The following ADCY2 variants were observed in gnomAD, a reference collection of about 807,000 sequenced individuals.
The protein encoded by ADCY2 is adenylate cyclase 2.
A neutral mutation model predicts 125.2 loss-of-function variants in ADCY2; 31 were observed. The observed-to-expected ratio is 0.25, with a 90% CI of 0.19 to 0.33. The LOEUF (loss-of-function observed/expected upper bound fraction) is 0.33, where lower values mean the gene tolerates loss of function less well. ADCY2 is among the 10% of genes least tolerant of loss of function. The probability of loss-of-function intolerance (pLI) is 1.00; values close to 1 mark genes in which losing one functional copy is unlikely to be tolerated. For missense variants in ADCY2, 904 were observed against 1,418.2 expected (o/e 0.64, Z 5.82); for synonymous variants, 512 against 548.4 (o/e 0.93, Z 0.93).
intron 19 of ADCY2, among the ~76,000 whole-genome samples, chr5:7,786,718 A>G (rs1744094742): frequency 6.6e-6 from 1 of 152,194 alleles, no homozygotes; most frequent in Non-Finnish European, 1.5e-5. Flanking sequence ...ACAGCAGCAC[A>G]TTGAGGTGGG....
intron 4 of ADCY2, among the ~76,000 whole-genome samples, chr5:7,659,223 G>A (rs957612512): frequency 6.6e-6 from 1 of 152,176 alleles, no homozygotes; most frequent in African/African-American, 2.4e-5. Flanking sequence ...TCCTTATTCT[G>A]CAGCTGTTCA....
chr5:7,476,726 C>T (rs2126465478), intron 2 of ADCY2, among the ~76,000 whole-genome samples: 1 of 152,298 alleles, frequency 6.6e-6, no homozygotes, highest in Non-Finnish European at 1.5e-5. Context: ...AGATCAACAG[C>T]AAATGGATGA....
At chr5:7,485,584 T>C (rs934142651) in intron 2 of ADCY2, among the ~76,000 whole-genome samples, 5 of 152,214 alleles carry the variant, frequency 3.3e-5, no homozygotes, top group Non-Finnish European at 5.9e-5. Flanking sequence ...GGTGATTTTT[T>C]TTCTTACATC....
At chr5:7,397,102 AC>A (rs2111427478) in intron 1 of ADCY2, among the ~76,000 whole-genome samples, 1 of 152,332 alleles carries the variant, frequency 6.6e-6, no homozygotes, top group East Asian at 1.9e-4. Flanking sequence ...TGTGGTGTTG[AC>A]TTGTGAATCA....
chr5:7,463,213 C>A (rs1342215913), intron 2 of ADCY2, among the ~76,000 whole-genome samples: 1 of 152,034 alleles, frequency 6.6e-6, no homozygotes, highest in Admixed American at 6.5e-5. Context: ...TTGGTTTCCC[C>A]ACATCAAAGG....
chr5:7,710,318 A>G (rs533291853), intron 10 of ADCY2, among the ~76,000 whole-genome samples: 49 of 152,360 alleles, frequency 3.2e-4, no homozygotes, highest in African/African-American at 9.4e-4. Flanking sequence ...ACGGAAGACC[A>G]TGACCCATCA....
intron 2 of ADCY2, among the ~76,000 whole-genome samples, chr5:7,436,455 G>A (rs1037722427): frequency 2.6e-5 from 4 of 152,200 alleles, no homozygotes; most frequent in Non-Finnish European, 4.4e-5. Context: ...TGGCTTCGAT[G>A]TCTCTGTGAG....
At chr5:7,790,264 G>A (rs1187035676) in intron 20 of ADCY2, among the ~76,000 whole-genome samples, 1 of 152,056 alleles carries the variant, frequency 6.6e-6, no homozygotes, top group Non-Finnish European at 1.5e-5. Context: ...AGCCTTCCAA[G>A]GCTCTTAGAA....
At chr5:7,511,399 C>A (rs1251410642) in intron 2 of ADCY2, among the ~76,000 whole-genome samples, 1 of 151,944 alleles carries the variant, frequency 6.6e-6, no homozygotes, top group African/African-American at 2.4e-5. Flanking sequence ...CATGGTGAAA[C>A]CCCGTCTCTA....
intron 22 of ADCY2, among the ~76,000 whole-genome samples, chr5:7,812,069 C>T (rs907637124): frequency 6.6e-6 from 1 of 152,158 alleles, no homozygotes; most frequent in African/African-American, 2.4e-5. Context: ...TAGAGGGATC[C>T]TGCCAAATGG....
At chr5:7,427,481 G>A (rs571314194) in intron 2 of ADCY2, among the ~76,000 whole-genome samples, 9 of 152,112 alleles carry the variant, frequency 5.9e-5, no homozygotes, top group South Asian at 4.1e-4. Flanking sequence ...ATCAGATCTC[G>A]TGAGAACTCA....
At chr5:7,536,318 G>T (rs951125363) in intron 3 of ADCY2, among the ~76,000 whole-genome samples, 4 of 151,888 alleles carry the variant, frequency 2.6e-5, no homozygotes, top group Admixed American at 2.0e-4. Context: ...GTGTAGGGCA[G>T]ATTTGGCCAT....
At chr5:7,505,447 G>A (rs547698422) in intron 2 of ADCY2, among the ~76,000 whole-genome samples, 2 of 152,348 alleles carry the variant, frequency 1.3e-5, no homozygotes, top group East Asian at 3.9e-4. Flanking sequence ...CAGTGGACTT[G>A]CTCATTAGAG....
At chr5:7,476,144 A>G (rs1336903018) in intron 2 of ADCY2, among the ~76,000 whole-genome samples, 1 of 152,128 alleles carries the variant, frequency 6.6e-6, no homozygotes, top group African/African-American at 2.4e-5. Flanking sequence ...AACCCATTTT[A>G]GCACTGAAAA....
chr5:7,795,366 C>T (rs1359684051), intron 20 of ADCY2: 1 of 152,240 alleles, frequency 6.6e-6, no homozygotes, highest in Admixed American at 6.5e-5. Flanking sequence ...TCCTGCCCAA[C>T]ATTTTTAGAG....
chr5:7,409,651 G>T (rs1228643699), intron 1 of ADCY2, among the ~76,000 whole-genome samples: 1 of 152,178 alleles, frequency 6.6e-6, no homozygotes, highest in Non-Finnish European at 1.5e-5. Flanking sequence ...GTTGCATGTG[G>T]AATTCTGTAT....
chr5:7,674,700 G>A lies in ADCY2; in HGVS notation c.721-15991G>A, dbSNP rs563911734. Among the ~76,000 whole-genome samples, 10 of 152,260 alleles carry A rather than the reference G, an allele frequency of 6.6e-5. No homozygotes were observed. In the East Asian group the frequency reaches 1.9e-3, roughly 30 times the overall value. ...GTCAGTTCTGAGCCACTGCTTGGAG[G>A]GGTGGGGAGGGTTAAAAGTCAAGCA... On this transcript the variant is annotated intron_variant, in intron 4 of 24. Transcript: ENST00000338316.
chr5:7,791,141 C>T (rs907882814), intron 20 of ADCY2, among the ~76,000 whole-genome samples: 11 of 151,938 alleles, frequency 7.2e-5, no homozygotes, highest in African/African-American at 2.4e-4. Flanking sequence ...TGCTCCGTGG[C>T]CCTTCTATGT....
chr5:7,544,103 C>A (rs188584583), intron 3 of ADCY2, among the ~76,000 whole-genome samples: 342 of 152,026 alleles, frequency 2.2e-3, no homozygotes, highest in African/African-American at 7.7e-3. Flanking sequence ...CCTTTCCCTG[C>A]CCCACTCTGG....
Sources: gnomAD v4.1 joint callset for allele counts (sites outside exome capture counted in the v4.1 genomes callset) on GRCh38, gnomAD v4.1.1 for gene constraint, MANE v1.5 for transcripts, NCBI Gene and HGNC (gene_info 2026-07-23, HGNC 2026-07-21) for gene names.